PPL: variants seen among roughly 807,000 people sequenced by gnomAD.
The protein encoded by PPL is 190 kDa paraneoplastic pemphigus antigen.
PPL carries 198 observed loss-of-function variants against 194.4 expected under a neutral mutation model. The observed-to-expected ratio is 1.02, with a 90% CI of 0.91 to 1.15. The LOEUF (loss-of-function observed/expected upper bound fraction) is 1.15. Ranked by LOEUF, PPL falls within the 50% of genes most tolerant of loss-of-function variation. The pLI is 0.00. For missense variants in PPL, 2,885 were observed against 2,294.8 expected, an observed-to-expected ratio of 1.26 and a Z score of -5.25; for synonymous variants, 1,220 against 972.4, an observed-to-expected ratio of 1.25 and a Z score of -4.74.
At chr16:4,910,362 C>T (rs1488826637) in intron 2 of PPL, among the ~76,000 whole-genome samples, 3 of 152,190 alleles carry the variant, frequency 2.0e-5, no homozygotes, top group East Asian at 3.8e-4. Context: ...AACCACCCCG[C>T]CAAATGGGAA....
chr16:4,894,432 C>G (rs754490231), intron 12 of PPL, 35 bp downstream of exon 12: 12 of 1,609,506 alleles, frequency 7.5e-6, no homozygotes, highest in Non-Finnish European at 2.5e-6. Flanking sequence ...GGGGGTGGGA[C>G]TGGTCCATGC....
At chr16:4,919,648 G>A (rs1161061766) in intron 1 of PPL, among the ~76,000 whole-genome samples, 1 of 152,212 alleles carries the variant, frequency 6.6e-6, no homozygotes, top group Non-Finnish European at 1.5e-5. Flanking sequence ...TCATGTATGG[G>A]CCCAGGCACA....
intron 1 of PPL, among the ~76,000 whole-genome samples, chr16:4,927,150 G>A (rs776467126): frequency 5.3e-5 from 8 of 152,012 alleles, no homozygotes; most frequent in Admixed American, 2.0e-4. Context: ...AAGACTCTCC[G>A]GTGAGATTAC....
intron 9 of PPL, 30 bp from the exon 10 acceptor site, chr16:4,895,746 A>T: frequency 6.2e-7 from 1 of 1,613,390 alleles, no homozygotes; most frequent in Non-Finnish European, 8.5e-7. Flanking sequence ...TGTTACAGCC[A>T]GGAAACCACT....
rs1381663926 is a variant in PPL at position 4,896,100 on chromosome 16, C to A, written c.973-384G>T. The stretch of plus-strand genomic sequence containing the variant: ...GATAATAGCCTCCCCTTTTTGTTCT[C>A]GAAAATTCTCTTGCCCATTCTTCAG... On this transcript the variant is annotated intron_variant, in intron 9 of 21. Coordinates refer to ENST00000345988, the MANE Select transcript of PPL (RefSeq NM_002705.5). Among the ~76,000 whole-genome samples the A allele has an allele frequency of 3.9e-5, 6 of 152,032 alleles. 1 individual carries two copies.
chr16:4,889,235 GTTGTTGTTTTTTTTTTTTTTTTTTT>G (rs2088271817), intron 18 of PPL, among the ~76,000 whole-genome samples, 174 bp from the exon 19 acceptor site: 1 of 18,710 alleles, frequency 5.3e-5, no homozygotes, highest in African/African-American at 1.4e-4. Flanking sequence ...TTTTTTTGTT[GTTGTTGTTTTTTTTTTTTTTTTTTT>G]TTTTTTTTTT....
At position 4,883,763 on chromosome 16, in the gene PPL, A is replaced by C. The variant is rs2088149254; in HGVS notation, c.4892T>G (p.Leu1631Arg). 3.7e-6 allele frequency: 6 copies of C among 1,613,856 alleles called. No homozygotes were observed. The highest frequency in any genetic ancestry group is 3.4e-6 in the Non-Finnish European group (4 of 1,179,996). Residue 1631 changes from leucine to arginine, a missense_variant, in exon 22 of 22, where the codon CTC becomes CGC. Leu to Arg is a moderately radical substitution (Grantham distance 102). Coordinates refer to ENST00000345988, the MANE Select transcript of PPL (RefSeq NM_002705.5). The surrounding 1 kb of genome is among the most constrained non-coding windows in gnomAD (Gnocchi z 4.8). ...GCGCTTCTGCAGCTCGTCGATCTCGAGGTCTTTGTCCTTGGAGAGCCTCTT... is the reference window on the plus strand; with the variant it reads ...GCGCTTCTGCAGCTCGTCGATCTCGCGGTCTTTGTCCTTGGAGAGCCTCTT... ...DLKRLSKDKD[L>R]EIDELQKRLG...
At chr16:4,886,641 CAG>C (rs2088224677) in intron 21 of PPL, among the ~76,000 whole-genome samples, 1 of 152,162 alleles carries the variant, frequency 6.6e-6, no homozygotes, top group African/African-American at 2.4e-5. Context: ...TTTTCTGAGA[CAG>C]AGTCTCGCTC....
rs184015622 is a variant in PPL, at chr16:4,887,267, T to G, written c.2515-40A>C. On this transcript the variant is annotated intron_variant, in intron 20 of 21. Coordinates refer to ENST00000345988, the MANE Select transcript of PPL (RefSeq NM_002705.5). ...ATTAGGAGAGCGGTCAACAAACAGG[T>G]GTCAACAGGGTAAGCAACAGAGAGC... is the stretch of plus-strand genomic sequence containing the variant. 2.6e-3 allele frequency: 3,828 copies of G among 1,457,852 alleles called. 6 individuals are homozygous for G. The highest frequency in any genetic ancestry group is 3.1e-3 in the Non-Finnish European group (3,207 of 1,038,568). 90.3% of individuals were successfully genotyped at this position (1,457,852 alleles called of 1,614,324 possible).
At chr16:4,933,181 T>C (rs1005744807) in intron 1 of PPL, among the ~76,000 whole-genome samples, 1 of 151,946 alleles carries the variant, frequency 6.6e-6, no homozygotes, top group Non-Finnish European at 1.5e-5. Context: ...AAACACTGTG[T>C]TCTTAACCAC....
In PPL at chr16:4,884,814, C is replaced by G. The variant is rs760550693; in HGVS notation, c.3841G>C (p.Asp1281His). ...QLKKEIQALK[D>H]TKPQVQTKEV... ...TTGGTCTGGACCTGGGGTTTGGTGT[C>G]TTTCAGGGCCTGGATTTCCTTTTTC... The change falls in exon 22 of 22, where the codon GAC becomes CAC. Residue 1281 changes from aspartate to histidine, a missense_variant. Coordinates refer to ENST00000345988, the MANE Select transcript of PPL (RefSeq NM_002705.5). This position sits in a 1 kb window ranked among gnomAD's most constrained non-coding sequence, Gnocchi z 5.7. The G allele has an allele frequency of 1.2e-6, 2 of 1,613,968 alleles. No individual in the cohort carries two copies. The highest frequency in any genetic ancestry group is 1.7e-6 in the Non-Finnish European group (2 of 1,180,026).
chr16:4,915,654 A>G lies in PPL; in HGVS notation c.63-4705T>C, dbSNP rs188770162. On this transcript the variant is annotated intron_variant, in intron 1 of 21. Transcript: ENST00000345988. ...TGATCGACTGGGCTAGAAGTTACTCATGGGGATGCTAGGAAAATCACACCA... is the reference window on the plus strand; with the variant it reads ...TGATCGACTGGGCTAGAAGTTACTCGTGGGGATGCTAGGAAAATCACACCA... Among the ~76,000 whole-genome samples, 498 of 152,314 alleles carry G rather than the reference A, an allele frequency of 3.3e-3. 8 individuals carry two copies. Among genetic ancestry groups the G allele is most frequent in the African/African-American group, 0.011 (474 of 41,562 alleles).
At chr16:4,907,375 C>G (rs538691827) in intron 2 of PPL, among the ~76,000 whole-genome samples, 240 of 150,096 alleles carry the variant, frequency 1.6e-3, no homozygotes, top group African/African-American at 5.8e-3. Flanking sequence ...CATGATAAAG[C>G]CAATTCAGCA....
At chr16:4,900,908 A>C (rs1395305848) in intron 5 of PPL, 37 bp from the exon 6 acceptor site, 4 of 1,613,994 alleles carry the variant, frequency 2.5e-6, no homozygotes, top group East Asian at 2.2e-5. Context: ...CAGGGCCAGG[A>C]AGCAGGCGCG....
Position 4,894,569 on chromosome 16 carries a change from T to C in PPL, c.1292A>G (p.Glu431Gly), listed in dbSNP as rs753773798. The C allele has an allele frequency of 1.9e-6, 3 of 1,613,876 alleles. No homozygotes were observed. Among genetic ancestry groups the C allele is most frequent in the Non-Finnish European group, 1.7e-6 (2 of 1,179,978 alleles). ...YSYTLQKNNGESWELMDSAGN... is the reference protein window; with the variant it reads ...YSYTLQKNNGGSWELMDSAGN... Reference sequence around the variant, plus strand: ...AGCGCTGTCCATGAGCTCCCAGCTCTCCCCGTTGTTCTTCTGCAGGGTGTA... The same window carrying C: ...AGCGCTGTCCATGAGCTCCCAGCTCCCCCCGTTGTTCTTCTGCAGGGTGTA... Residue 431 changes from glutamate to glycine, a missense_variant, in exon 12 of 22, where the codon GAG becomes GGG. Coordinates refer to ENST00000345988, the MANE Select transcript of PPL (RefSeq NM_002705.5).
chr16:4,916,876 T>C (rs540701894), intron 1 of PPL, among the ~76,000 whole-genome samples: 1 of 151,642 alleles, frequency 6.6e-6, no homozygotes, highest in East Asian at 2.0e-4. Flanking sequence ...ACGCCTGCAA[T>C]CCCAGCACTT....
In PPL at chr16:4,895,569, G is replaced by A. The variant is rs778952145; in HGVS notation, c.1095+25C>T. 8.1e-6 allele frequency: 13 copies of A among 1,613,508 alleles called. No individual in the cohort carries two copies. The Admixed American group carries it at 2.2e-4, about 27-fold the overall frequency. On this transcript the variant is annotated intron_variant, in intron 10 of 21. Transcript: ENST00000345988. ...GAGGGGTCCCCCGCCCCCCGGGCCA[G>A]CAGGGGTCCTGGGCCATCGCTCACA...
At position 4,893,645 on chromosome 16, in the gene PPL, G is replaced by A. The variant is rs775933452; in HGVS notation, c.1395-7C>T. ...CCGGTACTGGCTGCCCAGGCTGTGA[G>A]GACAGAAATGAGCTGGGAACCTGGG... On this transcript the variant is annotated splice_region_variant and splice_polypyrimidine_tract_variant and intron_variant, in intron 12 of 21. Coordinates refer to ENST00000345988, the MANE Select transcript of PPL (RefSeq NM_002705.5). 6.3e-7 allele frequency: 1 copy of A among 1,576,562 alleles called. No homozygotes were observed. The highest frequency in any genetic ancestry group is 1.1e-5 in the South Asian group (1 of 87,672).
intron 2 of PPL, among the ~76,000 whole-genome samples, chr16:4,906,027 G>A (rs1478805304): frequency 2.0e-5 from 3 of 152,086 alleles, no homozygotes; most frequent in African/African-American, 7.2e-5. Context: ...AGAATCATTT[G>A]AGTCCAGGAG....
Sources: gnomAD v4.1 joint callset for allele counts (sites outside exome capture counted in the v4.1 genomes callset) on GRCh38, gnomAD v4.1.1 for gene constraint, Gnocchi (gnomAD v3.1) non-coding constraint, MANE v1.5 for transcripts, NCBI Gene and HGNC (gene_info 2026-07-23, HGNC 2026-07-21) for gene names.